Variants in THEM4 observed in about 807,000 individuals in gnomAD.
THEM4 encodes acyl-coenzyme A thioesterase THEM4.
A neutral mutation model predicts 25.0 loss-of-function variants in THEM4; 22 were observed. The ratio of observed to expected loss-of-function variants is 0.88; its 90% CI spans 0.63 to 1.26. The LOEUF is 1.26. Ranked by LOEUF, THEM4 falls within the 50% of genes most tolerant of loss-of-function variation. The pLI, the probability that THEM4 is intolerant of heterozygous loss-of-function variation, is 0.00. For missense variants in THEM4, 286 were observed against 300.3 expected (o/e 0.95, Z 0.35); for synonymous variants, 113 against 105.6 (o/e 1.07, Z -0.43).
chr1:151,909,492 C>T lies in THEM4; in HGVS notation c.-34G>A, dbSNP rs1295900036. 2 of 1,346,218 alleles carry T rather than the reference C, an allele frequency of 1.5e-6. No homozygotes were observed. Among genetic ancestry groups the T allele is most frequent in the African/African-American group, 1.5e-5 (1 of 64,802 alleles). The allele number at this position is 1,346,218 out of a possible 1,614,324, so 83.4% of individuals were successfully genotyped here. A position where few individuals can be genotyped will look rare whatever the true frequency, so the allele number is the denominator to read the frequency against. ...GCCGCGGGGCCGCGCTTGCTCTAGC[C>T]CTGGACGGCGCACTCTACCTCCGCC... On this transcript the variant is annotated 5_prime_UTR_variant, in exon 1 of 6. Coordinates refer to ENST00000368814, the MANE Select transcript of THEM4 (RefSeq NM_053055.5).
At chr1:151,877,237 T>C in intron 4 of THEM4, 112 bp from the exon 5 acceptor site, 1 of 1,131,254 alleles carries the variant, frequency 8.8e-7, no homozygotes, top group Non-Finnish European at 1.2e-6. Flanking sequence ...CTGACAACAA[T>C]GAGCACTGAC....
intron 4 of THEM4, among the ~76,000 whole-genome samples, chr1:151,881,583 A>G (rs1653814070): frequency 6.6e-6 from 1 of 152,170 alleles, no homozygotes; most frequent in South Asian, 2.1e-4. Flanking sequence ...AGCTTTGCTG[A>G]GAGCATGATT....
chr1:151,883,966 T>C (rs1002139024), intron 4 of THEM4, among the ~76,000 whole-genome samples: 1 of 151,840 alleles, frequency 6.6e-6, no homozygotes, highest in East Asian at 1.9e-4. Flanking sequence ...TCCCAGCTAC[T>C]TGGGAGGCTA....
At chr1:151,887,089 T>C (rs1653987357) in intron 4 of THEM4, among the ~76,000 whole-genome samples, 1 of 152,172 alleles carries the variant, frequency 6.6e-6, no homozygotes, top group Non-Finnish European at 1.5e-5. Context: ...GAAAAAGCAG[T>C]TGCATTTCTA....
At chr1:151,881,322 T>C (rs1653807914) in intron 4 of THEM4, among the ~76,000 whole-genome samples, 1 of 152,198 alleles carries the variant, frequency 6.6e-6, no homozygotes, top group Non-Finnish European at 1.5e-5. Flanking sequence ...CATGAGCCAC[T>C]GCAACACACC....
intron 1 of THEM4, among the ~76,000 whole-genome samples, chr1:151,905,752 T>C (rs1654445142): frequency 6.6e-6 from 1 of 152,272 alleles, no homozygotes; most frequent in Non-Finnish European, 1.5e-5. Context: ...TATGAGTTTA[T>C]AGATTCCTGT....
chr1:151,889,313 T>C lies in THEM4; in HGVS notation c.347A>G (p.Asp116Gly), dbSNP rs1654038473. Residue 116 changes from aspartate to glycine, a missense_variant, in exon 3 of 6, where the codon GAT becomes GGT. Coordinates refer to ENST00000368814, the MANE Select transcript of THEM4 (RefSeq NM_053055.5). ...CACGTATTCAAAGCCCAGGCCATCA[T>C]CAAAGCTTCTGGTGAAGAGCTGGGC... ...SQAQLFTRSF[D>G]DGLGFEYVMF... 6.2e-7 allele frequency: 1 copy of C among 1,613,952 alleles called. No homozygotes were observed. The highest frequency in any genetic ancestry group is 1.7e-5 in the Admixed American group (1 of 60,004).
chr1:151,909,245 A>G (rs909191520), intron 1 of THEM4, 115 bp downstream of exon 1: 2 of 827,876 alleles, frequency 2.4e-6, no homozygotes, highest in South Asian at 1.7e-5. Flanking sequence ...TGCCCAGGTG[A>G]GCTTTTATTC....
At chr1:151,905,491 T>C (rs1328976665) in intron 1 of THEM4, among the ~76,000 whole-genome samples, 1 of 151,890 alleles carries the variant, frequency 6.6e-6, no homozygotes, top group East Asian at 1.9e-4. Flanking sequence ...AGGCAGGAAA[T>C]TGAAGAAAGC....
intron 1 of THEM4, among the ~76,000 whole-genome samples, chr1:151,905,285 TGA>T (rs1009414382): frequency 6.6e-6 from 1 of 152,196 alleles, no homozygotes; most frequent in African/African-American, 2.4e-5. Context: ...CTTCCTCTGC[TGA>T]GGTTTTTCTC....
At chr1:151,876,866 C>T (rs1476788089) in intron 5 of THEM4, 135 bp downstream of exon 5, 4 of 1,053,726 alleles carry the variant, frequency 3.8e-6, no homozygotes, top group South Asian at 3.7e-5. Flanking sequence ...GTTATAATAC[C>T]AGGGCAAAAA....
At chr1:151,888,628 C>G (rs1274075434) in intron 3 of THEM4, among the ~76,000 whole-genome samples, 1 of 152,112 alleles carries the variant, frequency 6.6e-6, no homozygotes, top group East Asian at 1.9e-4. Context: ...AGATCGCAAG[C>G]AAGCAAAAAG....
chr1:151,882,819 G>GA (rs1312457241), intron 4 of THEM4, among the ~76,000 whole-genome samples: 2 of 152,166 alleles, frequency 1.3e-5, no homozygotes, highest in African/African-American at 4.8e-5. Context: ...CTTGTAGGGA[G>GA]AAATGATTTG....
rs773070851 is a variant in THEM4 at position 151,873,054 on chromosome 1, C to A, written c.*1834G>T. On this transcript the variant is annotated 3_prime_UTR_variant, in exon 6 of 6. Coordinates refer to ENST00000368814, the MANE Select transcript of THEM4 (RefSeq NM_053055.5). Reference sequence around the variant, plus strand: ...GTAAAACCCGATCCTATGTTCGTTCCATTCTGAGATAGGAGAAAACCACCC... The same window carrying A: ...GTAAAACCCGATCCTATGTTCGTTCAATTCTGAGATAGGAGAAAACCACCC... 1.3e-5 allele frequency among the ~76,000 whole-genome samples: 2 copies of A among 152,132 alleles called. No homozygotes were observed.
Position 151,909,502 on chromosome 1 carries a change from G to T in THEM4, c.-44C>A. 3 of 1,322,480 alleles carry T rather than the reference G, an allele frequency of 2.3e-6. No individual in the cohort carries two copies. The highest frequency in any genetic ancestry group is 3.7e-5 in the South Asian group (2 of 53,368). 81.9% of individuals were successfully genotyped at this position (1,322,480 alleles called of 1,614,324 possible). A position where few individuals can be genotyped will look rare whatever the true frequency, so the allele number is the denominator to read the frequency against. On this transcript the variant is annotated 5_prime_UTR_variant, in exon 1 of 6. Coordinates refer to ENST00000368814, the MANE Select transcript of THEM4 (RefSeq NM_053055.5). ...CGCGCTTGCTCTAGCCCTGGACGGC[G>T]CACTCTACCTCCGCCACAAGAGCGC...
In THEM4 at chr1:151,874,666, C is replaced by T. The variant is rs991895944; in HGVS notation, c.*222G>A. ...CTGGGATTATAGGTGTGAGCCACAG[C>T]GCCTGGCCCGAGAGTTGTCGATATG... On this transcript the variant is annotated 3_prime_UTR_variant, in exon 6 of 6. Transcript: ENST00000368814. 2.5e-5 allele frequency: 15 copies of T among 598,914 alleles called. No homozygotes were observed. Among genetic ancestry groups the T allele is most frequent in the African/African-American group, 5.6e-5 (3 of 53,684 alleles). 37.1% of individuals were successfully genotyped at this position (598,914 alleles called of 1,614,324 possible). A position where few individuals can be genotyped will look rare whatever the true frequency, so the allele number is the denominator to read the frequency against.
chr1:151,891,721 T>G (rs911910309), intron 2 of THEM4, among the ~76,000 whole-genome samples: 9 of 152,134 alleles, frequency 5.9e-5, no homozygotes, highest in African/African-American at 2.2e-4. Context: ...TGGCAGTGTG[T>G]GGCTGGGGCT....
At chr1:151,907,287 C>T (rs527547172) in intron 1 of THEM4, among the ~76,000 whole-genome samples, 37 of 152,178 alleles carry the variant, frequency 2.4e-4, no homozygotes, top group Non-Finnish European at 4.6e-4. Flanking sequence ...GAACAAACGC[C>T]GGACATGCCG....
chr1:151,876,966 TA>T, intron 5 of THEM4, 34 bp downstream of exon 5: 1 of 1,571,530 alleles, frequency 6.4e-7, no homozygotes, highest in South Asian at 1.2e-5. Context: ...CCAACCCAAC[TA>T]AACCCCAAGA....
Sources: allele counts gnomAD v4.1 joint callset (sites outside exome capture counted in the v4.1 genomes callset), GRCh38; gene constraint gnomAD v4.1.1; transcripts MANE v1.5; gene names NCBI Gene and HGNC (gene_info 2026-07-23, HGNC 2026-07-21).